TPD52L1: variants seen among roughly 807,000 people sequenced by gnomAD.
TPD52L1 encodes TPD52 like 1.
TPD52L1 carries 18 observed loss-of-function variants against 28.7 expected under a neutral mutation model. The ratio of observed to expected loss-of-function variants is 0.63; its 90% CI spans 0.43 to 0.93. The LOEUF (loss-of-function observed/expected upper bound fraction) is 0.93, where lower values mean the gene tolerates loss of function less well. TPD52L1 is among the 40% of genes least tolerant of loss of function. The pLI is 0.00. For missense variants in TPD52L1, 203 were observed against 254.8 expected (o/e 0.80, Z 1.39); for synonymous variants, 75 against 88.8 (o/e 0.84, Z 0.88).
intron 3 of TPD52L1, among the ~76,000 whole-genome samples, chr6:125,233,737 A>G (rs1011889347): frequency 3.9e-5 from 6 of 152,318 alleles, no homozygotes; most frequent in African/African-American, 1.4e-4. Context: ...TTCTAAAAAG[A>G]TGAATTTTTT....
intron 1 of TPD52L1, among the ~76,000 whole-genome samples, chr6:125,185,234 A>G (rs1213511921): frequency 1.3e-5 from 2 of 152,194 alleles, no homozygotes; most frequent in East Asian, 3.8e-4. Context: ...TTTAATGAGT[A>G]GATAGTAGAT....
chr6:125,188,818 T>G (rs1792836786), intron 1 of TPD52L1, among the ~76,000 whole-genome samples: 2 of 152,230 alleles, frequency 1.3e-5, no homozygotes, highest in African/African-American at 4.8e-5. Flanking sequence ...TTCACTGGAC[T>G]GGAGAGACAG....
intron 4 of TPD52L1, 87 bp downstream of exon 4, chr6:125,248,470 C>A: frequency 1.1e-6 from 1 of 892,390 alleles, no homozygotes; most frequent in Non-Finnish European, 1.8e-6. Context: ...CTCATCTCAA[C>A]ATATGTATTT....
At chr6:125,228,694 G>C (rs1267842288) in intron 2 of TPD52L1, among the ~76,000 whole-genome samples, 2 of 152,082 alleles carry the variant, frequency 1.3e-5, no homozygotes, top group South Asian at 2.1e-4. Context: ...AATAAATAAA[G>C]TGGCACTTGA....
intron 1 of TPD52L1, among the ~76,000 whole-genome samples, chr6:125,216,529 GTATA>G (rs56135453): frequency 0.097 from 6,604 of 67,990 alleles, 182 homozygotes; most frequent in East Asian, 0.2. Flanking sequence ...GTATGTGTGT[GTATA>G]TATATATATA....
intron 6 of TPD52L1, chr6:125,262,303 T>C (rs992924123): frequency 6.5e-6 from 1 of 153,118 alleles, no homozygotes; most frequent in Admixed American, 6.5e-5. Flanking sequence ...TGATTAAGAC[T>C]TGATCCATCT....
chr6:125,189,887 T>G (rs1020993232), intron 1 of TPD52L1, among the ~76,000 whole-genome samples: 1 of 152,134 alleles, frequency 6.6e-6, no homozygotes, highest in African/African-American at 2.4e-5. Context: ...GTAAAAGCAA[T>G]AGCAATAATA....
At chr6:125,155,048 C>A (rs1485876819) in intron 1 of TPD52L1, among the ~76,000 whole-genome samples, 3 of 152,204 alleles carry the variant, frequency 2.0e-5, no homozygotes, top group African/African-American at 7.2e-5. Context: ...AGGTTTGCTG[C>A]CAGGATTACA....
intron 1 of TPD52L1, among the ~76,000 whole-genome samples, chr6:125,161,766 T>A (rs1489785163): frequency 6.6e-6 from 1 of 152,096 alleles, no homozygotes. Flanking sequence ...ACATCAAAGA[T>A]CACCAATCAC....
chr6:125,184,728 C>A (rs1434441048), intron 1 of TPD52L1, among the ~76,000 whole-genome samples: 2 of 151,508 alleles, frequency 1.3e-5, no homozygotes, highest in East Asian at 3.9e-4. Flanking sequence ...AATGATGGAA[C>A]GTTTACATTA....
intron 1 of TPD52L1, among the ~76,000 whole-genome samples, chr6:125,156,746 G>A (rs1790164955): frequency 6.6e-6 from 1 of 152,128 alleles, no homozygotes; most frequent in African/African-American, 2.4e-5. Flanking sequence ...CCCAGCTTGG[G>A]CGAGAGGGCA....
At chr6:125,232,177 G>A (rs750320195) in intron 3 of TPD52L1, among the ~76,000 whole-genome samples, 1 of 152,148 alleles carries the variant, frequency 6.6e-6, no homozygotes, top group Admixed American at 6.5e-5. Flanking sequence ...TTTCCCTGGG[G>A]ATTACTTAAT....
At chr6:125,226,806 C>G (rs1169485141) in intron 2 of TPD52L1, among the ~76,000 whole-genome samples, 1 of 151,912 alleles carries the variant, frequency 6.6e-6, no homozygotes, top group Non-Finnish European at 1.5e-5. Context: ...GCAAGAGATA[C>G]AACCATGAGA....
intron 2 of TPD52L1, among the ~76,000 whole-genome samples, chr6:125,225,859 G>A (rs713239): frequency 0.032 from 4,842 of 152,192 alleles, 114 homozygotes; most frequent in African/African-American, 0.06. Context: ...AACTCTCAGG[G>A]CATTAAAAGG....
chr6:125,210,588 TG>T (rs56332017), intron 1 of TPD52L1, among the ~76,000 whole-genome samples: 1 of 38,160 alleles, frequency 2.6e-5, no homozygotes, highest in East Asian at 1.6e-3. Context: ...TGTATATGCA[TG>T]TAAGGTATAT....
intron 1 of TPD52L1, among the ~76,000 whole-genome samples, chr6:125,172,539 TATATATATATATA>T (rs1320784289): frequency 4.2e-5 from 4 of 95,024 alleles, no homozygotes; most frequent in African/African-American, 1.3e-4. Context: ...TATATATATA[TATATATATATATA>T]ATATATATAC....
At chr6:125,160,205 T>A (rs760386685) in intron 1 of TPD52L1, among the ~76,000 whole-genome samples, 8 of 152,186 alleles carry the variant, frequency 5.3e-5, no homozygotes, top group Non-Finnish European at 1.2e-4. Context: ...AGAAGTAATA[T>A]TCAGAAAGAA....
chr6:125,191,422 T>A (rs181043121), intron 1 of TPD52L1, among the ~76,000 whole-genome samples: 1 of 152,356 alleles, frequency 6.6e-6, no homozygotes, highest in East Asian at 1.9e-4. Context: ...AAATATGGAC[T>A]TAATTCCTTT....
At chr6:125,254,035 G>A (rs1475433820) in intron 5 of TPD52L1, among the ~76,000 whole-genome samples, 1 of 152,194 alleles carries the variant, frequency 6.6e-6, no homozygotes, top group Non-Finnish European at 1.5e-5. Context: ...ACTTCATATG[G>A]TGTTTGTGAG....
Sources: gnomAD v4.1 joint callset for allele counts (sites outside exome capture counted in the v4.1 genomes callset) on GRCh38, gnomAD v4.1.1 for gene constraint, MANE v1.5 for transcripts, NCBI Gene and HGNC (gene_info 2026-07-23, HGNC 2026-07-21) for gene names.